Variants in PLS1 observed in about 807,000 individuals in gnomAD.
PLS1 encodes the protein plastin 1.
Under a neutral mutation model 73.7 loss-of-function variants are expected in PLS1, and 32 were observed. The ratio of observed to expected loss-of-function variants is 0.43; its 90% CI spans 0.33 to 0.58. The LOEUF is 0.58. PLS1 is among the 20% of genes least tolerant of loss of function. PLS1 has a pLI of 0.04. For missense variants in PLS1, 633 were observed against 740.5 expected, an observed-to-expected ratio of 0.85 and a Z score of 1.68; for synonymous variants, 217 against 261.3, an observed-to-expected ratio of 0.83 and a Z score of 1.63.
intron 1 of PLS1, among the ~76,000 whole-genome samples, chr3:142,625,210 T>TA (rs1381174165): frequency 6.6e-6 from 1 of 151,900 alleles, no homozygotes; most frequent in Non-Finnish European, 1.5e-5. Flanking sequence ...ACAAACCTCT[T>TA]AAACTCCCGA....
chr3:142,657,551 G>C (rs1462041789), intron 1 of PLS1, among the ~76,000 whole-genome samples: 1 of 152,150 alleles, frequency 6.6e-6, no homozygotes, highest in Non-Finnish European at 1.5e-5. Flanking sequence ...ACAGTGGCGC[G>C]ATCTCTGCTT....
intron 1 of PLS1, among the ~76,000 whole-genome samples, chr3:142,641,673 A>G (rs2036843885): frequency 6.6e-6 from 1 of 151,806 alleles, no homozygotes; most frequent in African/African-American, 2.4e-5. Flanking sequence ...GCTGGAGTCC[A>G]GTGTGTACTC....
chr3:142,684,096 CACTTGGTCTTGGG>C lies in PLS1; in HGVS notation c.675_687del (p.Leu225PhefsTer22). 3 of 1,613,948 alleles carry C rather than the reference CACTTGGTCTTGGG, an allele frequency of 1.9e-6. No homozygotes were observed. Among genetic ancestry groups the C allele is most frequent in the Non-Finnish European group, 2.5e-6 (3 of 1,179,898 alleles). On this transcript the variant is annotated frameshift_variant, in exon 7 of 16. Transcript: ENST00000457734. LOFTEE classifies it high-confidence loss of function. ...ATCAGATCTCAAAGAAGGAAAACCTCACTTGGTCTTGGGACTTCTCTGGCAGATCATCAAAGTT... is the reference window on the plus strand; with the variant it reads ...ATCAGATCTCAAAGAAGGAAAACCTCACTTCTCTGGCAGATCATCAAAGTT...
At position 142,694,531 on chromosome 3, in the gene PLS1, A is replaced by T; in HGVS notation, c.1240A>T (p.Ile414Phe). Residue 414 changes from isoleucine (I) to phenylalanine (F), a missense_variant, in exon 11 of 16, where the codon ATT becomes TTT. Physicochemically the swap from Ile to Phe is conservative, Grantham distance 21 (BLOSUM62 0). Transcript: ENST00000457734. ...WMNSLGVNPY[I>F]NHLYSDLADA... The stretch of plus-strand genomic sequence containing the variant: ...GAATTCCTTGGGAGTCAACCCATAC[A>T]TTAATCATTTGTACAGGTAAATATT... 6.3e-7 allele frequency: 1 copy of T among 1,590,046 alleles called. No individual in the cohort carries two copies. The highest frequency in any genetic ancestry group is 1.1e-5 in the South Asian group (1 of 90,496).
At chr3:142,604,725 G>T (rs950026403) in intron 1 of PLS1, among the ~76,000 whole-genome samples, 4 of 152,122 alleles carry the variant, frequency 2.6e-5, no homozygotes, top group African/African-American at 9.7e-5. Flanking sequence ...ACGAGGTCAG[G>T]ATATTGAGAC....
intron 1 of PLS1, among the ~76,000 whole-genome samples, chr3:142,609,327 T>C (rs962369396): frequency 4.6e-5 from 7 of 152,216 alleles, no homozygotes; most frequent in African/African-American, 1.4e-4. Context: ...AGCTCACCTA[T>C]ATGCAATGAC....
intron 1 of PLS1, among the ~76,000 whole-genome samples, chr3:142,608,142 A>G (rs1474476269): frequency 6.6e-6 from 1 of 152,130 alleles, no homozygotes. Context: ...GCCACCCACT[A>G]TGCCTGGCTG....
At chr3:142,665,828 T>C (rs1034818265) in intron 2 of PLS1, among the ~76,000 whole-genome samples, 11 of 151,876 alleles carry the variant, frequency 7.2e-5, no homozygotes, top group Middle Eastern at 3.4e-3. Flanking sequence ...CAAAACCTTG[T>C]GTTGAGGGCT....
intron 4 of PLS1, chr3:142,673,646 C>T (rs1349379213): frequency 2.6e-5 from 4 of 152,228 alleles, no homozygotes; most frequent in East Asian, 1.9e-4. Flanking sequence ...CATTGATTGC[C>T]AGGGTTGATT....
chr3:142,659,072 C>T (rs944620951), intron 1 of PLS1, among the ~76,000 whole-genome samples: 1 of 152,128 alleles, frequency 6.6e-6, no homozygotes, highest in East Asian at 1.9e-4. Flanking sequence ...CAGATAAATG[C>T]GTAGTGAGCT....
At chr3:142,698,198 G>T in intron 12 of PLS1, 131 bp downstream of exon 12, 1 of 564,220 alleles carries the variant, frequency 1.8e-6, no homozygotes, top group Non-Finnish European at 3.2e-6. Flanking sequence ...AAGCTTAATA[G>T]CCTTTTTACA....
intron 13 of PLS1, 72 bp downstream of exon 13, chr3:142,704,073 A>AT: frequency 1.5e-6 from 2 of 1,305,792 alleles, no homozygotes; most frequent in Non-Finnish European, 2.2e-6. Flanking sequence ...ATTTTTAGCT[A>AT]TTTTTGAACA....
intron 1 of PLS1, among the ~76,000 whole-genome samples, chr3:142,606,265 A>G (rs1316186529): frequency 6.6e-6 from 1 of 152,216 alleles, no homozygotes; most frequent in Admixed American, 6.5e-5. Context: ...ATTCATTTAG[A>G]ACTTCTTTAT....
At chr3:142,691,642 A>G (rs1248282941) in intron 10 of PLS1, among the ~76,000 whole-genome samples, 1 of 152,166 alleles carries the variant, frequency 6.6e-6, no homozygotes, top group East Asian at 1.9e-4. Context: ...TAACATGGGA[A>G]ATATTTATCA....
At chr3:142,643,860 G>A (rs964416604) in intron 1 of PLS1, among the ~76,000 whole-genome samples, 3 of 117,930 alleles carry the variant, frequency 2.5e-5, no homozygotes, top group East Asian at 2.4e-4. Context: ...ATGGAGTTTC[G>A]CTCTTGTCAC....
At chr3:142,674,737 TG>T (rs2037683966) in intron 4 of PLS1, among the ~76,000 whole-genome samples, 1 of 152,176 alleles carries the variant, frequency 6.6e-6, no homozygotes, top group Non-Finnish European at 1.5e-5. Context: ...CTTCGTTTTT[TG>T]TTTTTTTGAG....
At chr3:142,668,852 T>C (rs539573248) in intron 2 of PLS1, among the ~76,000 whole-genome samples, 1 of 152,172 alleles carries the variant, frequency 6.6e-6, no homozygotes, top group South Asian at 2.1e-4. Context: ...TCTGCCTACC[T>C]CGGCCTCCCA....
chr3:142,647,887 C>T (rs771138879), intron 1 of PLS1, among the ~76,000 whole-genome samples: 1 of 152,104 alleles, frequency 6.6e-6, no homozygotes, highest in Non-Finnish European at 1.5e-5. Context: ...AGAGCTGACT[C>T]TCTAGTAGGG....
At chr3:142,699,863 G>A (rs958140106) in intron 12 of PLS1, among the ~76,000 whole-genome samples, 21 of 152,180 alleles carry the variant, frequency 1.4e-4, no homozygotes, top group South Asian at 8.3e-4. Context: ...AGAGTTACTC[G>A]TATGTTTCAG....
Sources: gnomAD v4.1 joint callset for allele counts (sites outside exome capture counted in the v4.1 genomes callset) on GRCh38, gnomAD v4.1.1 for gene constraint, MANE v1.5 for transcripts, NCBI Gene and HGNC (gene_info 2026-07-23, HGNC 2026-07-21) for gene names.